RNF17: variants seen among roughly 807,000 people sequenced by gnomAD.
The protein encoded by RNF17 is ring finger protein 17, also known as spermatogenesis associated 23.
RNF17 carries 31 observed loss-of-function variants against 200.5 expected under a neutral mutation model. The observed-to-expected ratio is 0.15, with a 90% CI of 0.12 to 0.21. The LOEUF (loss-of-function observed/expected upper bound fraction) is 0.21, where lower values mean the gene tolerates loss of function less well. Ranked by LOEUF, RNF17 falls within the 10% of genes least tolerant of loss-of-function variation. The pLI, the probability that RNF17 is intolerant of heterozygous loss-of-function variation, is 1.00. For missense variants in RNF17, 1,628 were observed against 1,905.1 expected (o/e 0.85, Z 2.71); for synonymous variants, 606 against 637.8 (o/e 0.95, Z 0.75).
At chr13:24,870,101 G>T (rs771743877) in intron 31 of RNF17, among the ~76,000 whole-genome samples, 2 of 151,518 alleles carry the variant, frequency 1.3e-5, no homozygotes, top group South Asian at 4.2e-4. Flanking sequence ...GCCACCACAC[G>T]CGGCTAATTT....
chr13:24,754,175 A>AT, the RNF17 span, among the ~76,000 whole-genome samples: 1 of 151,484 alleles, frequency 6.6e-6, no homozygotes, highest in Non-Finnish European at 1.5e-5. Flanking sequence ...ATTAAAAAAA[A>AT]AATAAAATAA....
intron 30 of RNF17, among the ~76,000 whole-genome samples, chr13:24,868,278 G>A (rs1464919402): frequency 1.3e-5 from 2 of 150,820 alleles, no homozygotes; most frequent in Non-Finnish European, 3.0e-5. Context: ...AGACCATCCC[G>A]GCTAAAACGG....
At chr13:24,845,114 A>G in intron 22 of RNF17, 35 bp downstream of exon 22, 1 of 971,342 alleles carries the variant, frequency 1.0e-6, no homozygotes, top group Non-Finnish European at 1.6e-6. Flanking sequence ...TCATTATTTT[A>G]AATATTTTTA....
At chr13:24,803,642 A>C (rs1885517016) in intron 14 of RNF17, 1 of 152,318 alleles carries the variant, frequency 6.6e-6, no homozygotes, top group Admixed American at 6.5e-5. Flanking sequence ...TCTAATTTTT[A>C]CCTTGGGTGA....
At chr13:24,750,076 C>T in the RNF17 span, among the ~76,000 whole-genome samples, 2 of 152,118 alleles carry the variant, frequency 1.3e-5, no homozygotes, top group Non-Finnish European at 2.9e-5. Flanking sequence ...TCACAAGGGA[C>T]TCTGCCTTAA....
chr13:24,865,242 G>T (rs947458438), intron 29 of RNF17, among the ~76,000 whole-genome samples: 1 of 152,204 alleles, frequency 6.6e-6, no homozygotes, highest in Non-Finnish European at 1.5e-5. Flanking sequence ...AACCTAGTGC[G>T]ATGCCCATGC....
chr13:24,763,511 C>T (rs371584693), upstream of RNF17, among the ~76,000 whole-genome samples: 7 of 152,086 alleles, frequency 4.6e-5, no homozygotes, highest in African/African-American at 1.2e-4. Context: ...GCCACCGCGC[C>T]GGGCCCAGAA....
At chr13:24,763,369 A>ATTTTTTTTTTTTTTTTTTTT (rs34750040), upstream of RNF17, among the ~76,000 whole-genome samples, 1 of 114,710 alleles carries the variant, frequency 8.7e-6, no homozygotes, top group Non-Finnish European at 1.7e-5. Context: ...CGTCCGGCTA[A>ATTTTTTTTTTTTTTTTTTTT]TTTTTTTTTT....
intron 15 of RNF17, among the ~76,000 whole-genome samples, chr13:24,821,915 G>A (rs1056373468): frequency 2.0e-5 from 3 of 152,092 alleles, no homozygotes; most frequent in South Asian, 2.1e-4. Flanking sequence ...TTAAGGACAC[G>A]GACACACATG....
In RNF17 at chr13:24,824,331, C is replaced by T. The variant is rs1888404136; in HGVS notation, c.2092-1288C>T. 3 of 595,602 alleles carry T rather than the reference C, an allele frequency of 5.0e-6. No individual in the cohort carries two copies. In the South Asian group the frequency reaches 6.8e-5, roughly 13 times the overall value. 36.9% of individuals were successfully genotyped at this position (595,602 alleles called of 1,614,324 possible). On this transcript the variant is annotated intron_variant, in intron 15 of 35. Transcript: ENST00000255324. Reference sequence around the variant, plus strand: ...CTGAATTTTTAAATGTTCACTCTGGCTTACCTGTTAATGGAAGAATTTGCA... The same window carrying T: ...CTGAATTTTTAAATGTTCACTCTGGTTTACCTGTTAATGGAAGAATTTGCA...
the RNF17 span, chr13:24,885,893 T>TG: frequency 3.7e-6 from 2 of 546,990 alleles, no homozygotes; most frequent in South Asian, 4.3e-5. Flanking sequence ...TTTACAATCC[T>TG]GGGGAAGAGA....
At chr13:24,797,679 GGAGAGA>G (rs140460990) in intron 11 of RNF17, among the ~76,000 whole-genome samples, 3 of 120,792 alleles carry the variant, frequency 2.5e-5, no homozygotes, top group East Asian at 5.5e-4. Flanking sequence ...TGAGTGGCAG[GGAGAGA>G]GAGAGAGAGA....
chr13:24,868,327 G>A lies in RNF17; in HGVS notation c.4162-273G>A, dbSNP rs565757327. Among the ~76,000 whole-genome samples the A allele has an allele frequency of 1.3e-4, 20 of 149,906 alleles. No individual in the cohort carries two copies. In the South Asian group the frequency reaches 3.0e-3, roughly 23 times the overall value. ...CTACTAAAAATACAAAAAATTAGCC[G>A]GGCGTAGTGGCGGGCGCCTGTAGTC... On this transcript the variant is annotated intron_variant, in intron 30 of 35. Transcript: ENST00000255324.
chr13:24,811,292 A>G (rs1337409184), intron 15 of RNF17, among the ~76,000 whole-genome samples: 2 of 151,702 alleles, frequency 1.3e-5, no homozygotes, highest in African/African-American at 4.8e-5. Flanking sequence ...TCAGACATAG[A>G]TTTGGTCTTT....
chr13:24,862,890 A>G (rs898778579), intron 28 of RNF17, 97 bp downstream of exon 28: 4 of 644,166 alleles, frequency 6.2e-6, no homozygotes, highest in African/African-American at 3.7e-5. Context: ...GCAATGGTAT[A>G]TACCTTCTTA....
At chr13:24,811,694 C>G (rs1027362969) in intron 15 of RNF17, among the ~76,000 whole-genome samples, 2 of 152,248 alleles carry the variant, frequency 1.3e-5, no homozygotes, top group South Asian at 4.2e-4. Context: ...AGGAACTCTA[C>G]TCCTTTGGAG....
intron 26 of RNF17, 75 bp downstream of exon 26, chr13:24,859,239 C>A: frequency 1.9e-6 from 2 of 1,068,396 alleles, no homozygotes; most frequent in Non-Finnish European, 2.5e-6. Flanking sequence ...CATTTGAACA[C>A]GAGAAAGTTG....
chr13:24,814,958 A>C (rs1887202568), intron 15 of RNF17, among the ~76,000 whole-genome samples: 1 of 152,198 alleles, frequency 6.6e-6, no homozygotes, highest in African/African-American at 2.4e-5. Context: ...TTACATGTGA[A>C]TTTTGTGTCT....
intron 1 of RNF17, among the ~76,000 whole-genome samples, chr13:24,765,641 CAACCT>C (rs1330198608): frequency 1.3e-5 from 2 of 152,264 alleles, no homozygotes; most frequent in East Asian, 3.9e-4. Flanking sequence ...TTCTAGAACA[CAACCT>C]TTTAAAATGA....
Sources: gnomAD v4.1 joint callset for allele counts (sites outside exome capture counted in the v4.1 genomes callset) on GRCh38, gnomAD v4.1.1 for gene constraint, MANE v1.5 for transcripts, NCBI Gene and HGNC (gene_info 2026-07-23, HGNC 2026-07-21) for gene names.